The following GABRA4 variants were observed in gnomAD, a reference collection of about 807,000 sequenced individuals.
The protein encoded by GABRA4 is gamma-aminobutyric acid type A receptor subunit alpha4, also known as gamma-aminobutyric acid receptor subunit alpha-4.
GABRA4 carries 12 observed loss-of-function variants against 49.7 expected under a neutral mutation model. That is an observed-to-expected ratio of 0.24 (90% CI 0.15 to 0.39). GABRA4 has a LOEUF of 0.39. GABRA4 is among the 10% of genes least tolerant of loss of function. GABRA4 has a pLI of 1.00. For synonymous variants in GABRA4, 288 were observed against 240.2 expected, an observed-to-expected ratio of 1.20 and a Z score of -1.84; for missense variants, 506 against 686.0, an observed-to-expected ratio of 0.74 and a Z score of 2.93.
At chr4:46,932,861 G>A (rs541025814) in intron 8 of GABRA4, among the ~76,000 whole-genome samples, 331 of 152,146 alleles carry the variant, frequency 2.2e-3, no homozygotes, top group African/African-American at 7.5e-3. Context: ...ATTAACAATT[G>A]AACCAATCTT....
chr4:46,981,043 A>C (rs902471148), intron 2 of GABRA4, among the ~76,000 whole-genome samples: 1 of 152,080 alleles, frequency 6.6e-6, no homozygotes, highest in Non-Finnish European at 1.5e-5. Flanking sequence ...GTTAAAACAG[A>C]TTGTTGAACT....
chr4:46,990,959 A>G (rs1488706459), intron 2 of GABRA4, among the ~76,000 whole-genome samples: 2 of 152,222 alleles, frequency 1.3e-5, no homozygotes, highest in Admixed American at 1.3e-4. Flanking sequence ...AGGGTGGATC[A>G]CTTGAGGTCA....
chr4:46,964,815 G>A (rs944980323), intron 8 of GABRA4, among the ~76,000 whole-genome samples, 155 bp downstream of exon 8: 1 of 151,726 alleles, frequency 6.6e-6, no homozygotes, highest in Non-Finnish European at 1.5e-5. Flanking sequence ...CCAACATAAA[G>A]TTTAAGCTCA....
intron 2 of GABRA4, among the ~76,000 whole-genome samples, chr4:46,986,621 G>A (rs1723550490): frequency 6.6e-6 from 1 of 151,914 alleles, no homozygotes; most frequent in African/African-American, 2.4e-5. Context: ...TTAATCCCCT[G>A]TAATCTTTTT....
At chr4:46,951,010 C>T (rs1722155843) in intron 8 of GABRA4, among the ~76,000 whole-genome samples, 1 of 151,828 alleles carries the variant, frequency 6.6e-6, no homozygotes, top group Non-Finnish European at 1.5e-5. Flanking sequence ...CTTTCTATCT[C>T]ATACCTATCT....
intron 7 of GABRA4, among the ~76,000 whole-genome samples, chr4:46,970,236 GTGA>G (rs1722903454): frequency 6.6e-6 from 1 of 151,400 alleles, no homozygotes; most frequent in Non-Finnish European, 1.5e-5. Context: ...TACCATGGCT[GTGA>G]TCCTACTAGG....
intron 8 of GABRA4, among the ~76,000 whole-genome samples, chr4:46,931,771 T>C (rs886067167): frequency 6.6e-6 from 1 of 152,160 alleles, no homozygotes; most frequent in Non-Finnish European, 1.5e-5. Flanking sequence ...CAGGTCAGCC[T>C]GGGCTAGCCT....
intron 8 of GABRA4, among the ~76,000 whole-genome samples, chr4:46,936,390 C>T (rs577106577): frequency 1.3e-4 from 20 of 152,264 alleles, no homozygotes; most frequent in African/African-American, 3.9e-4. Context: ...CCTGGGACTA[C>T]GGGCATGTGC....
At position 46,921,020 on chromosome 4, in the gene GABRA4, A is replaced by C. The variant is rs1035358312; in HGVS notation, c.*7205T>G. 1 of 151,792 alleles carries C rather than the reference A, an allele frequency of 6.6e-6. No individual in the cohort carries two copies. Among genetic ancestry groups the C allele is most frequent in the Non-Finnish European group, 1.5e-5 (1 of 67,780 alleles). 9.4% of individuals were successfully genotyped at this position (151,792 alleles called of 1,614,324 possible). A position where few individuals can be genotyped will look rare whatever the true frequency, so the allele number is the denominator to read the frequency against. On this transcript the variant is annotated 3_prime_UTR_variant, in exon 9 of 9. Coordinates refer to ENST00000264318, the MANE Select transcript of GABRA4 (RefSeq NM_000809.4). ...TAATATCATACTCTTGAATATCGTA[A>C]ATTTCCTTTGCATAGTTCCATTTTT...
intron 8 of GABRA4, among the ~76,000 whole-genome samples, chr4:46,930,521 A>G (rs748887256): frequency 5.3e-5 from 8 of 152,092 alleles, no homozygotes; most frequent in Non-Finnish European, 7.4e-5. Context: ...ACAATAAAAA[A>G]TATAATGAAA....
chr4:46,927,216 T>C lies in GABRA4; in HGVS notation c.*1009A>G, dbSNP rs1721260664. ...AATGCTTTTCACTTATAGAACAATC[T>C]GTACCATATTCTCATCTATTTTGAA... On this transcript the variant is annotated 3_prime_UTR_variant, in exon 9 of 9. Transcript: ENST00000264318. 2 of 152,468 alleles carry C rather than the reference T, an allele frequency of 1.3e-5. No individual in the cohort carries two copies. The highest frequency in any genetic ancestry group is 2.9e-5 in the Non-Finnish European group (2 of 67,962). The allele number at this position is 152,468 out of a possible 1,614,324, so 9.4% of individuals were successfully genotyped here. A position where few individuals can be genotyped will look rare whatever the true frequency, so the allele number is the denominator to read the frequency against.
intron 7 of GABRA4, among the ~76,000 whole-genome samples, chr4:46,970,682 G>A (rs1168709127): frequency 1.3e-5 from 2 of 150,308 alleles, no homozygotes; most frequent in African/African-American, 2.4e-5. Flanking sequence ...TTATTCTAAG[G>A]CTTTCATATT....
chr4:46,974,313 C>T lies in GABRA4; in HGVS notation c.640G>A (p.Val214Ile). ...ACTAAGCTGGAAGACTCCTTCGGAA[C>T]TTCAACTGATTTCTCAGGACCTTTT... is the stretch of plus-strand genomic sequence containing the variant. ...WTKGPEKSVE[V>I]PKESSSLVQY... Residue 214 changes from valine (V) to isoleucine (I), a missense_variant, in exon 6 of 9, where the codon GTT becomes ATT. Physicochemically the swap from Val to Ile is conservative, Grantham distance 29. Transcript: ENST00000264318. 3 of 1,611,792 alleles carry T rather than the reference C, an allele frequency of 1.9e-6. No homozygotes were observed. The highest frequency in any genetic ancestry group is 2.5e-6 in the Non-Finnish European group (3 of 1,178,552).
At chr4:46,942,752 A>G (rs977761454) in intron 8 of GABRA4, among the ~76,000 whole-genome samples, 2 of 151,828 alleles carry the variant, frequency 1.3e-5, no homozygotes, top group African/African-American at 4.8e-5. Context: ...TGCCTTTATG[A>G]GTCTCCAGTG....
intron 8 of GABRA4, among the ~76,000 whole-genome samples, chr4:46,943,858 T>C (rs1721896073): frequency 6.6e-6 from 1 of 152,246 alleles, no homozygotes; most frequent in African/African-American, 2.4e-5. Flanking sequence ...TGTTTTGTTA[T>C]ATGCATAGAT....
At chr4:46,977,239 G>A (rs1284641295) in intron 4 of GABRA4, 96 bp from the exon 5 acceptor site, 1 of 661,842 alleles carries the variant, frequency 1.5e-6, no homozygotes. Context: ...GAAGGAGGAA[G>A]GAAGAAGGGA....
rs1166298020 is a variant in GABRA4, at chr4:46,925,772, CA to C, written c.*2452del. The C allele has an allele frequency of 1.4e-5, 2 of 143,098 alleles. No individual in the cohort carries two copies. The highest frequency in any genetic ancestry group is 1.4e-4 in the Admixed American group (2 of 14,296). 8.9% of individuals were successfully genotyped at this position (143,098 alleles called of 1,614,324 possible). On this transcript the variant is annotated 3_prime_UTR_variant, in exon 9 of 9. Coordinates refer to ENST00000264318, the MANE Select transcript of GABRA4 (RefSeq NM_000809.4). The stretch of plus-strand genomic sequence containing the variant: ...TTATTATTATTATCATCATTATTAT[CA>C]TTGTGTGCAAATGAAATAATTTATT...
rs892387798 is a variant in GABRA4 at position 46,984,023 on chromosome 4, A to G, written c.206-4925T>C. 2.4e-4 allele frequency among the ~76,000 whole-genome samples: 37 copies of G among 152,088 alleles called. 1 individual carries two copies. The highest frequency in any genetic ancestry group is 2.4e-3 in the Admixed American group (36 of 15,250). On this transcript the variant is annotated intron_variant, in intron 2 of 8. Coordinates refer to ENST00000264318, the MANE Select transcript of GABRA4 (RefSeq NM_000809.4). ...AACTTGCTGGGAAAGAGGGAAGGCA[A>G]TTAACGATGAATCAGATAATTTCCC...
Position 46,979,101 on chromosome 4 carries a change from A to G in GABRA4, c.206-3T>C. 6.3e-7 allele frequency: 1 copy of G among 1,591,130 alleles called. No individual in the cohort carries two copies. Among genetic ancestry groups the G allele is most frequent in the Non-Finnish European group, 8.6e-7 (1 of 1,159,952 alleles). ...AGTTTTCACTTCTGTAACAGGACCT[A>G]ACGGGTATGAAGTAAATAAGTGTGA... On this transcript the variant is annotated splice_region_variant and splice_polypyrimidine_tract_variant and intron_variant, in intron 2 of 8. Transcript: ENST00000264318.
Sources: gnomAD v4.1 joint callset for allele counts (sites outside exome capture counted in the v4.1 genomes callset) on GRCh38, gnomAD v4.1.1 for gene constraint, MANE v1.5 for transcripts, NCBI Gene and HGNC (gene_info 2026-07-23, HGNC 2026-07-21) for gene names.